The following SAMMSON variants were observed in gnomAD, a reference collection of about 807,000 sequenced individuals.
SAMMSON encodes survival associated mitochondrial melanoma specific oncogenic non-coding RNA.
At chr3:70,310,257 T>C (rs999297986) in intron 7 of SAMMSON, among the ~76,000 whole-genome samples, 1 of 152,116 alleles carries the variant, frequency 6.6e-6, no homozygotes, top group Non-Finnish European at 1.5e-5. Flanking sequence ...TTAGAGTCTC[T>C]TAAAGAGATA....
At chr3:70,023,838 T>G (rs1188714672) in intron 3 of SAMMSON, among the ~76,000 whole-genome samples, 1 of 152,234 alleles carries the variant, frequency 6.6e-6, no homozygotes, top group Non-Finnish European at 1.5e-5. Flanking sequence ...AAATTTGGAC[T>G]GCAAGCCATA....
chr3:70,190,314 G>GTC (rs1215555214), intron 4 of SAMMSON, among the ~76,000 whole-genome samples: 1 of 152,016 alleles, frequency 6.6e-6, no homozygotes, highest in Non-Finnish European at 1.5e-5. Flanking sequence ...ACCTTTCTCA[G>GTC]TCTCTACTCT....
At chr3:70,268,281 G>C (rs1701940844) in intron 6 of SAMMSON, among the ~76,000 whole-genome samples, 2 of 151,982 alleles carry the variant, frequency 1.3e-5, no homozygotes, top group Non-Finnish European at 2.9e-5. Flanking sequence ...GACCAGCCTG[G>C]ACAGCACGGA....
At chr3:70,081,058 T>G (rs9843437) in intron 4 of SAMMSON, among the ~76,000 whole-genome samples, 3 of 152,218 alleles carry the variant, frequency 2.0e-5, no homozygotes, top group African/African-American at 7.2e-5. Context: ...TCATTGATAC[T>G]GTCACCATCT....
rs575605926 is a variant in SAMMSON, at chr3:70,087,865, A to C, written n.507+16300A>C. 3.3e-5 allele frequency among the ~76,000 whole-genome samples: 5 copies of C among 152,332 alleles called. No individual in the cohort carries two copies. In the East Asian group the frequency reaches 9.7e-4, roughly 29 times the overall value. On this transcript the variant is annotated intron_variant and non_coding_transcript_variant, in intron 4 of 9. Transcript: ENST00000642114. Reference sequence around the variant, plus strand: ...TATAAATAAATATAAATAAATAAGCATACTAATTTATGCTTGTTTAAGGGA... The same window carrying C: ...TATAAATAAATATAAATAAATAAGCCTACTAATTTATGCTTGTTTAAGGGA...
At chr3:70,234,787 C>T (rs973826215) in intron 4 of SAMMSON, among the ~76,000 whole-genome samples, 3 of 152,206 alleles carry the variant, frequency 2.0e-5, no homozygotes, top group East Asian at 1.9e-4. Context: ...TTCCTTGCTT[C>T]GTTTTAAGCA....
Position 70,039,103 on chromosome 3 carries a change from C to G in SAMMSON, n.417+25431C>G, listed in dbSNP as rs139774767. On this transcript the variant is annotated intron_variant and non_coding_transcript_variant, in intron 3 of 9. Transcript: ENST00000642114. ...AACAGGAAAGGAAAAAAAGTGAAGC[C>G]TAGCCTCAGTCTGATCACTAAAAGT... Among the ~76,000 whole-genome samples, 13 of 152,254 alleles carry G rather than the reference C, an allele frequency of 8.5e-5. No individual in the cohort carries two copies. The East Asian group carries it at 2.1e-3, about 25-fold the overall frequency.
chr3:70,395,181 C>A (rs1350762557), intron 2 of SAMMSON, among the ~76,000 whole-genome samples: 2 of 152,122 alleles, frequency 1.3e-5, no homozygotes, highest in African/African-American at 4.8e-5. Context: ...GTCCCTGTTG[C>A]TTTTGAGCCT....
chr3:70,154,528 G>C (rs1055933500), intron 4 of SAMMSON, among the ~76,000 whole-genome samples: 6 of 152,006 alleles, frequency 3.9e-5, no homozygotes, highest in African/African-American at 1.4e-4. Context: ...TTGGGTCTGA[G>C]CGCTCATCAG....
chr3:70,366,594 G>T (rs2106743311), intron 9 of SAMMSON, among the ~76,000 whole-genome samples: 1 of 148,396 alleles, frequency 6.7e-6, no homozygotes, highest in East Asian at 2.0e-4. Flanking sequence ...TCCAATGAAG[G>T]ACATCTTGGT....
intron 3 of SAMMSON, among the ~76,000 whole-genome samples, chr3:70,038,644 T>C (rs889422107): frequency 1.3e-5 from 2 of 152,206 alleles, no homozygotes; most frequent in Admixed American, 1.3e-4. Context: ...TTATTCATTG[T>C]AAATACAGTT....
intron 4 of SAMMSON, among the ~76,000 whole-genome samples, chr3:70,241,110 G>A (rs1028235201): frequency 6.6e-6 from 1 of 152,094 alleles, no homozygotes; most frequent in Non-Finnish European, 1.5e-5. Context: ...TTCTGTTCAT[G>A]GATGGAGTAC....
chr3:70,295,566 G>T (rs959406234), intron 7 of SAMMSON, among the ~76,000 whole-genome samples: 3 of 152,074 alleles, frequency 2.0e-5, no homozygotes, highest in Non-Finnish European at 2.9e-5. Context: ...AGCCAGGCTT[G>T]GTGGTGCGCA....
At chr3:70,301,453 A>G (rs1007001398) in intron 7 of SAMMSON, among the ~76,000 whole-genome samples, 2 of 152,038 alleles carry the variant, frequency 1.3e-5, no homozygotes, top group Non-Finnish European at 2.9e-5. Flanking sequence ...CTGATATTTT[A>G]TTTTCCCAAC....
At chr3:70,019,104 G>A (rs1312814307) in intron 3 of SAMMSON, among the ~76,000 whole-genome samples, 3 of 152,138 alleles carry the variant, frequency 2.0e-5, no homozygotes, top group Non-Finnish European at 4.4e-5. Context: ...AGGTCTGCTT[G>A]GTGCAGAGCT....
intron 2 of SAMMSON, among the ~76,000 whole-genome samples, chr3:70,432,503 G>C (rs1421977641): frequency 2.0e-5 from 3 of 151,396 alleles, no homozygotes; most frequent in Non-Finnish European, 4.4e-5. Context: ...TATTTTCATA[G>C]CAGTTTTAAG....
At chr3:70,402,072 C>T (rs183408527) in intron 2 of SAMMSON, among the ~76,000 whole-genome samples, 2 of 152,042 alleles carry the variant, frequency 1.3e-5, no homozygotes, top group African/African-American at 4.8e-5. Context: ...TTATTATGTC[C>T]TTGTCTTTCA....
chr3:70,418,569 T>C (rs1317096683), intron 2 of SAMMSON, among the ~76,000 whole-genome samples: 1 of 152,200 alleles, frequency 6.6e-6, no homozygotes, highest in Non-Finnish European at 1.5e-5. Context: ...AGTCTGCCAC[T>C]TTATCTTCTC....
intron 4 of SAMMSON, among the ~76,000 whole-genome samples, chr3:70,187,347 A>T (rs1701098505): frequency 6.6e-6 from 1 of 151,540 alleles, no homozygotes; most frequent in Non-Finnish European, 1.5e-5. Context: ...TGTTGCACAC[A>T]TAATTTCTTT....
Sources: allele counts gnomAD v4.1 joint callset (sites outside exome capture counted in the v4.1 genomes callset), GRCh38; gene constraint gnomAD v4.1.1; transcripts MANE v1.5; gene names NCBI Gene and HGNC (gene_info 2026-07-23, HGNC 2026-07-21).